The following PSPC1 variants were observed in gnomAD, a reference collection of about 807,000 sequenced individuals.
PSPC1 encodes the protein paraspeckle protein 1.
PSPC1 carries 14 observed loss-of-function variants against 51.6 expected under a neutral mutation model. That is an observed-to-expected ratio of 0.27 (90% CI 0.18 to 0.42). The LOEUF is 0.42. Ranked by LOEUF, PSPC1 falls within the 10% of genes least tolerant of loss-of-function variation. The pLI, the probability that PSPC1 is intolerant of heterozygous loss-of-function variation, is 1.00. For missense variants in PSPC1, 406 were observed against 701.1 expected (o/e 0.58, Z 4.75); for synonymous variants, 193 against 231.9 (o/e 0.83, Z 1.53).
intron 6 of PSPC1, among the ~76,000 whole-genome samples, chr13:19,719,257 G>A (rs1337329262): frequency 6.6e-6 from 1 of 151,960 alleles, no homozygotes. Context: ...TCTTGCTGTG[G>A]ACCTAAAGCT....
At chr13:19,679,868 AC>A (rs1565953205) in intron 6 of PSPC1, among the ~76,000 whole-genome samples, 15 of 152,218 alleles carry the variant, frequency 9.9e-5, no homozygotes, top group Non-Finnish European at 1.9e-4. Context: ...CTTCTCAATA[AC>A]ATCAGGATTA....
intron 6 of PSPC1, among the ~76,000 whole-genome samples, chr13:19,719,900 T>C (rs1424972319): frequency 1.3e-5 from 2 of 152,158 alleles, no homozygotes; most frequent in East Asian, 1.9e-4. Context: ...CGAGCTGGCC[T>C]TGAATTCCTG....
intron 7 of PSPC1, among the ~76,000 whole-genome samples, chr13:19,706,385 G>T (rs1448226976): frequency 6.6e-6 from 1 of 151,130 alleles, no homozygotes; most frequent in African/African-American, 2.4e-5. Context: ...ATTACATAAG[G>T]TACTCTTTTT....
At chr13:19,711,213 T>C (rs1200775024) in intron 6 of PSPC1, among the ~76,000 whole-genome samples, 1 of 152,190 alleles carries the variant, frequency 6.6e-6, no homozygotes, top group Non-Finnish European at 1.5e-5. Context: ...ATACTATTGC[T>C]GACCTGCAAA....
chr13:19,775,276 C>T (rs1290047904), intron 1 of PSPC1, among the ~76,000 whole-genome samples: 1 of 151,968 alleles, frequency 6.6e-6, no homozygotes, highest in Non-Finnish European at 1.5e-5. Context: ...TGCTTGAACC[C>T]GTGAGGCAGA....
At chr13:19,719,463 C>A (rs1882507513) in intron 6 of PSPC1, among the ~76,000 whole-genome samples, 1 of 152,164 alleles carries the variant, frequency 6.6e-6, no homozygotes, top group Admixed American at 6.5e-5. Flanking sequence ...CCACCGCACC[C>A]AGCTAATTAC....
chr13:19,680,768 G>A (rs1371116427), intron 6 of PSPC1, among the ~76,000 whole-genome samples: 3 of 152,090 alleles, frequency 2.0e-5, no homozygotes, highest in Non-Finnish European at 2.9e-5. Flanking sequence ...ACACATTAAC[G>A]GGGGATTTTA....
At chr13:19,694,075 A>T (rs936249977) in intron 6 of PSPC1, among the ~76,000 whole-genome samples, 1 of 139,852 alleles carries the variant, frequency 7.2e-6, no homozygotes, top group African/African-American at 2.7e-5. Flanking sequence ...GTGAGCCGAG[A>T]TCGCACCACT....
chr13:19,671,444 T>C (rs1876120834), downstream of PSPC1, among the ~76,000 whole-genome samples: 1 of 152,124 alleles, frequency 6.6e-6, no homozygotes, highest in African/African-American at 2.4e-5. Flanking sequence ...CCTCTCTCAG[T>C]TTACAATGTG....
chr13:19,728,236 C>T (rs1883593558), intron 6 of PSPC1, among the ~76,000 whole-genome samples: 1 of 152,010 alleles, frequency 6.6e-6, no homozygotes, highest in Admixed American at 6.5e-5. Flanking sequence ...TTATTTTATA[C>T]TTAAAAGTCC....
intron 6 of PSPC1, among the ~76,000 whole-genome samples, chr13:19,720,853 A>G (rs1882685000): frequency 6.6e-6 from 1 of 152,122 alleles, no homozygotes; most frequent in African/African-American, 2.4e-5. Flanking sequence ...GTTACTTTGA[A>G]TTGTAAAAGT....
At chr13:19,687,790 C>T (rs1347533167) in intron 6 of PSPC1, among the ~76,000 whole-genome samples, 1 of 152,124 alleles carries the variant, frequency 6.6e-6, no homozygotes, top group Non-Finnish European at 1.5e-5. Context: ...ATGCATCCCA[C>T]TGCCAATCCC....
At chr13:19,699,076 T>C (rs1436822180), downstream of PSPC1, among the ~76,000 whole-genome samples, 3 of 151,966 alleles carry the variant, frequency 2.0e-5, no homozygotes, top group Non-Finnish European at 1.5e-5. Flanking sequence ...TGGTAAGCCT[T>C]TAAACACTGT....
chr13:19,769,913 T>G (rs1888461842), intron 2 of PSPC1, among the ~76,000 whole-genome samples: 1 of 152,080 alleles, frequency 6.6e-6, no homozygotes, highest in Non-Finnish European at 1.5e-5. Context: ...ATACAGCAAT[T>G]TACCCCTAAA....
chr13:19,718,579 T>C (rs1185617302), intron 6 of PSPC1, among the ~76,000 whole-genome samples: 2 of 152,130 alleles, frequency 1.3e-5, no homozygotes, highest in African/African-American at 2.4e-5. Flanking sequence ...TGGCAGTTTC[T>C]GATAAAATTA....
At chr13:19,701,328 G>A (rs1285346075), downstream of PSPC1, among the ~76,000 whole-genome samples, 14 of 150,752 alleles carry the variant, frequency 9.3e-5, no homozygotes, top group South Asian at 2.1e-3. Context: ...TATAGATGAC[G>A]GGAAAGGTAG....
intron 6 of PSPC1, among the ~76,000 whole-genome samples, chr13:19,722,012 T>G (rs1303227582): frequency 6.6e-6 from 1 of 152,210 alleles, no homozygotes; most frequent in East Asian, 1.9e-4. Flanking sequence ...AAACCATAAC[T>G]GAGCTGCATT....
chr13:19,740,442 T>C (rs1885319734), intron 5 of PSPC1, among the ~76,000 whole-genome samples: 1 of 152,174 alleles, frequency 6.6e-6, no homozygotes, highest in African/African-American at 2.4e-5. Flanking sequence ...CATCAAAATA[T>C]ACAGAATATC....
chr13:19,688,213 AAC>A (rs1236337130), intron 6 of PSPC1, among the ~76,000 whole-genome samples: 2 of 152,272 alleles, frequency 1.3e-5, no homozygotes, highest in African/African-American at 4.8e-5. Flanking sequence ...AACTCCCTGT[AAC>A]ACACTTATGT....
Sources: gnomAD v4.1 joint callset for allele counts (sites outside exome capture counted in the v4.1 genomes callset) on GRCh38, gnomAD v4.1.1 for gene constraint, MANE v1.5 for transcripts, NCBI Gene and HGNC (gene_info 2026-07-23, HGNC 2026-07-21) for gene names.